COX7B2: variants seen among roughly 807,000 people sequenced by gnomAD.
The protein encoded by COX7B2 is cytochrome c oxidase subunit 7B2, also known as cytochrome c oxidase subunit 7B2, mitochondrial.
For missense variants in COX7B2, 109 were observed against 95.9 expected, an observed-to-expected ratio of 1.14 and a Z score of -0.57; for synonymous variants, 37 against 32.1, an observed-to-expected ratio of 1.15 and a Z score of -0.51.
intron 1 of COX7B2, among the ~76,000 whole-genome samples, chr4:46,893,566 G>A (rs1719572235): frequency 6.6e-6 from 1 of 152,122 alleles, no homozygotes; most frequent in Non-Finnish European, 1.5e-5. Flanking sequence ...AGCTGTGGCA[G>A]CTATTGCATC....
intron 2 of COX7B2, among the ~76,000 whole-genome samples, chr4:46,787,132 T>A (rs940652935): frequency 1.3e-5 from 2 of 152,214 alleles, no homozygotes; most frequent in African/African-American, 2.4e-5. Context: ...AATAGCGGTT[T>A]AAAGCCTAAT....
At chr4:46,765,464 G>A (rs116064564) in intron 2 of COX7B2, among the ~76,000 whole-genome samples, 166 of 152,196 alleles carry the variant, frequency 1.1e-3, no homozygotes, top group African/African-American at 3.8e-3. Flanking sequence ...TCTGTAGCCC[G>A]AAGATCCAAG....
chr4:46,824,654 TAA>T (rs34090448), intron 2 of COX7B2, among the ~76,000 whole-genome samples: 70 of 130,154 alleles, frequency 5.4e-4, no homozygotes, highest in Admixed American at 5.3e-4. Flanking sequence ...ACTGTTTGTG[TAA>T]AAAAAAAAAA....
At chr4:46,735,937 T>C (rs1484173649) in intron 2 of COX7B2, among the ~76,000 whole-genome samples, 1 of 152,126 alleles carries the variant, frequency 6.6e-6, no homozygotes, top group African/African-American at 2.4e-5. Flanking sequence ...ACCCTGACCC[T>C]ATACACCCAC....
At chr4:46,898,963 C>G (rs1274533785) in intron 1 of COX7B2, among the ~76,000 whole-genome samples, 1 of 152,162 alleles carries the variant, frequency 6.6e-6, no homozygotes, top group Non-Finnish European at 1.5e-5. Context: ...AAGGAAGGGA[C>G]TGTTCATCAC....
chr4:46,756,751 C>T (rs935046104), intron 2 of COX7B2, among the ~76,000 whole-genome samples: 25 of 152,130 alleles, frequency 1.6e-4, no homozygotes, highest in East Asian at 3.9e-4. Context: ...GAGATACTAT[C>T]GTATAGCAGT....
At chr4:46,882,465 T>C (rs763428254) in intron 1 of COX7B2, among the ~76,000 whole-genome samples, 23 of 152,218 alleles carry the variant, frequency 1.5e-4, no homozygotes, top group Non-Finnish European at 2.8e-4. Context: ...GCTTTATGAA[T>C]CTGGGTGCTC....
chr4:46,736,738 A>T (rs1560341381), intron 2 of COX7B2, among the ~76,000 whole-genome samples: 1 of 152,084 alleles, frequency 6.6e-6, no homozygotes, highest in Non-Finnish European at 1.5e-5. Context: ...GGCTTCTTTC[A>T]CTTCAAAATA....
At chr4:46,845,929 A>G (rs1410665719) in intron 1 of COX7B2, among the ~76,000 whole-genome samples, 2 of 152,028 alleles carry the variant, frequency 1.3e-5, no homozygotes, top group African/African-American at 2.4e-5. Context: ...TTTGTGGTCA[A>G]TCTGACTAGA....
intron 2 of COX7B2, among the ~76,000 whole-genome samples, chr4:46,737,544 G>T (rs1714439272): frequency 6.6e-6 from 1 of 152,042 alleles, no homozygotes; most frequent in African/African-American, 2.4e-5. Flanking sequence ...GTGAATATTG[G>T]TATCCTCATA....
At chr4:46,890,084 CTAA>C (rs1187147801) in intron 1 of COX7B2, among the ~76,000 whole-genome samples, 1 of 152,062 alleles carries the variant, frequency 6.6e-6, no homozygotes, top group Non-Finnish European at 1.5e-5. Context: ...AATAATGGAT[CTAA>C]TAATAATGAA....
intron 2 of COX7B2, among the ~76,000 whole-genome samples, chr4:46,785,365 T>C (rs1419834246): frequency 1.3e-5 from 2 of 151,952 alleles, no homozygotes; most frequent in East Asian, 3.9e-4. Flanking sequence ...CCACAAAATC[T>C]GATAGAGCAA....
chr4:46,820,685 G>A (rs2109691845), intron 2 of COX7B2, among the ~76,000 whole-genome samples: 1 of 151,954 alleles, frequency 6.6e-6, no homozygotes, highest in Admixed American at 6.6e-5. Context: ...GCTGGGCATG[G>A]TAGCACATGC....
At chr4:46,774,275 G>A (rs749853087) in intron 2 of COX7B2, among the ~76,000 whole-genome samples, 4 of 151,972 alleles carry the variant, frequency 2.6e-5, no homozygotes, top group South Asian at 2.1e-4. Flanking sequence ...TTTATAACCC[G>A]TTACCTTAGG....
intron 2 of COX7B2, among the ~76,000 whole-genome samples, chr4:46,802,480 T>C (rs1718707826): frequency 6.6e-6 from 1 of 152,162 alleles, no homozygotes; most frequent in African/African-American, 2.4e-5. Flanking sequence ...ATGTTGATCA[T>C]AGAGAATTTT....
intron 2 of COX7B2, among the ~76,000 whole-genome samples, chr4:46,818,676 TCTCAA>T (rs1233906649): frequency 6.6e-6 from 1 of 151,342 alleles, no homozygotes; most frequent in East Asian, 1.9e-4. Context: ...GACTACTAGA[TCTCAA>T]GCATCTTTCA....
intron 2 of COX7B2, among the ~76,000 whole-genome samples, chr4:46,789,512 G>A (rs566163351): frequency 1.1e-4 from 17 of 152,158 alleles, no homozygotes; most frequent in Admixed American, 8.5e-4. Flanking sequence ...CACGATTACC[G>A]TGGAAATCCA....
intron 2 of COX7B2, among the ~76,000 whole-genome samples, chr4:46,816,189 T>C (rs1163412514): frequency 6.6e-6 from 1 of 152,248 alleles, no homozygotes; most frequent in Admixed American, 6.5e-5. Context: ...AAACAAATTG[T>C]TGTTTGGTAT....
intron 2 of COX7B2, among the ~76,000 whole-genome samples, chr4:46,754,592 A>C (rs148269445): frequency 0.29 from 36,459 of 127,004 alleles, 6,839 homozygotes; most frequent in South Asian, 0.45. Context: ...CCTAATGCAA[A>C]TGACCAGTTA....
Sources: gnomAD v4.1 joint callset for allele counts (sites outside exome capture counted in the v4.1 genomes callset) on GRCh38, gnomAD v4.1.1 for gene constraint, MANE v1.5 for transcripts, NCBI Gene and HGNC (gene_info 2026-07-23, HGNC 2026-07-21) for gene names.